DYRK1A: variants seen among roughly 807,000 people sequenced by gnomAD.
The protein encoded by DYRK1A is dual specificity tyrosine phosphorylation regulated kinase 1A, also known as dual specificity tyrosine-phosphorylation-regulated kinase 1A.
A neutral mutation model predicts 79.7 loss-of-function variants in DYRK1A; 9 were observed. The observed-to-expected ratio is 0.11, with a 90% CI of 0.07 to 0.20. The LOEUF (loss-of-function observed/expected upper bound fraction) is 0.20. DYRK1A is among the 10% of genes least tolerant of loss of function. DYRK1A has a pLI of 1.00. For synonymous variants in DYRK1A, 349 were observed against 329.7 expected (o/e 1.06, Z -0.63); for missense variants, 622 against 956.0 (o/e 0.65, Z 4.61).
intron 1 of DYRK1A, among the ~76,000 whole-genome samples, chr21:37,414,191 G>A (rs1432699933): frequency 6.6e-6 from 1 of 152,118 alleles, no homozygotes; most frequent in Non-Finnish European, 1.5e-5. Context: ...GGCTGATGGT[G>A]ACACCCGTTA....
chr21:37,392,509 T>G (rs547707846), intron 1 of DYRK1A, among the ~76,000 whole-genome samples: 1 of 152,340 alleles, frequency 6.6e-6, no homozygotes, highest in East Asian at 1.9e-4. Flanking sequence ...GGCTGAGAAG[T>G]CCATATCAAG....
intron 2 of DYRK1A, among the ~76,000 whole-genome samples, chr21:37,458,906 A>T (rs1323841850): frequency 2.0e-5 from 3 of 152,160 alleles, no homozygotes; most frequent in African/African-American, 7.2e-5. Flanking sequence ...CCTGGGAGGA[A>T]GGAAGAGAAG....
chr21:37,426,754 CAAAAA>C (rs34975084), intron 2 of DYRK1A, among the ~76,000 whole-genome samples: 1 of 126,968 alleles, frequency 7.9e-6, no homozygotes, highest in Non-Finnish European at 1.7e-5. Flanking sequence ...ACTAAAAATA[CAAAAA>C]AAAAAAAAAA....
chr21:37,512,869 T>C lies in DYRK1A; in HGVS notation c.*338T>C, dbSNP rs1336167456. The C allele has an allele frequency of 4.3e-6, 1 of 233,720 alleles. No homozygotes were observed. The highest frequency in any genetic ancestry group is 8.4e-6 in the Non-Finnish European group (1 of 118,898). 14.5% of individuals were successfully genotyped at this position (233,720 alleles called of 1,614,324 possible). ...ATGTTGGTCTTGGTCATTTGCCAAC[T>C]AATTTTAAAGTAAAAGGCACTGCAC... On this transcript the variant is annotated 3_prime_UTR_variant, in exon 12 of 12. Coordinates refer to ENST00000647188, the MANE Select transcript of DYRK1A (RefSeq NM_001347721.2).
At chr21:37,438,516 A>G (rs904946438) in intron 2 of DYRK1A, among the ~76,000 whole-genome samples, 2 of 152,152 alleles carry the variant, frequency 1.3e-5, no homozygotes, top group African/African-American at 4.8e-5. Flanking sequence ...TGCAAAGTAT[A>G]GATCAAAGAT....
At chr21:37,496,441 C>T (rs2053272521) in intron 9 of DYRK1A, among the ~76,000 whole-genome samples, 183 bp downstream of exon 9, 1 of 152,106 alleles carries the variant, frequency 6.6e-6, no homozygotes, top group South Asian at 2.1e-4. Flanking sequence ...AGGTATGGAC[C>T]AGTGTTTGAT....
intron 2 of DYRK1A, among the ~76,000 whole-genome samples, chr21:37,430,963 C>T (rs2050760167): frequency 6.6e-6 from 1 of 152,178 alleles, no homozygotes; most frequent in African/African-American, 2.4e-5. Context: ...AGAATGGCAT[C>T]TGCCACTTCT....
intron 2 of DYRK1A, among the ~76,000 whole-genome samples, chr21:37,457,066 T>G (rs2051675213): frequency 6.6e-6 from 1 of 150,654 alleles, no homozygotes; most frequent in Non-Finnish European, 1.5e-5. Context: ...ATTTATTTAT[T>G]TATTTATTTA....
intron 4 of DYRK1A, among the ~76,000 whole-genome samples, chr21:37,478,932 A>T (rs1181458504): frequency 6.6e-6 from 1 of 152,052 alleles, no homozygotes; most frequent in Non-Finnish European, 1.5e-5. Context: ...GCCACCGAAA[A>T]TTTTTCTGGT....
At chr21:37,449,762 A>G (rs2051386146) in intron 2 of DYRK1A, among the ~76,000 whole-genome samples, 1 of 151,948 alleles carries the variant, frequency 6.6e-6, no homozygotes, top group Non-Finnish European at 1.5e-5. Context: ...ATTACTCTCC[A>G]CTTTTCCCCA....
At chr21:37,408,402 C>CA (rs1330741056) in intron 1 of DYRK1A, among the ~76,000 whole-genome samples, 1 of 152,210 alleles carries the variant, frequency 6.6e-6, no homozygotes, top group Non-Finnish European at 1.5e-5. Flanking sequence ...CTCTTGGCTT[C>CA]AGCAGTACTC....
rs912413909 is a variant in DYRK1A at position 37,515,988 on chromosome 21, A to G, written c.*3457A>G. On this transcript the variant is annotated 3_prime_UTR_variant, in exon 12 of 12. Coordinates refer to ENST00000647188, the MANE Select transcript of DYRK1A (RefSeq NM_001347721.2). ...TTTTCTGTTCTTCCAATAGGGAGATACATAATCAAAATACACACGAAGACG... is the reference window on the plus strand; with the variant it reads ...TTTTCTGTTCTTCCAATAGGGAGATGCATAATCAAAATACACACGAAGACG... 2.6e-5 allele frequency: 4 copies of G among 152,206 alleles called. No individual in the cohort carries two copies. Among genetic ancestry groups the G allele is most frequent in the African/African-American group, 9.7e-5 (4 of 41,442 alleles). The allele number at this position is 152,206 out of a possible 1,614,324, so 9.4% of individuals were successfully genotyped here.
At chr21:37,501,665 A>G (rs937289627) in intron 9 of DYRK1A, 1 of 152,220 alleles carries the variant, frequency 6.6e-6, no homozygotes, top group South Asian at 2.1e-4. Flanking sequence ...TTTATGGCCT[A>G]GCATCTAATG....
chr21:37,502,676 CTTATAT>C (rs972245417), intron 9 of DYRK1A: 7 of 151,908 alleles, frequency 4.6e-5, no homozygotes, highest in Non-Finnish European at 1.0e-4. Context: ...TATATTTATC[CTTATAT>C]TTGCTCTTTT....
At chr21:37,421,576 A>T (rs1361879675) in intron 2 of DYRK1A, among the ~76,000 whole-genome samples, 1 of 152,134 alleles carries the variant, frequency 6.6e-6, no homozygotes, top group Non-Finnish European at 1.5e-5. Flanking sequence ...TTGCACATGT[A>T]TGTTTGCCTG....
intron 2 of DYRK1A, among the ~76,000 whole-genome samples, chr21:37,455,336 T>C (rs2051600697): frequency 1.3e-5 from 2 of 152,210 alleles, no homozygotes; most frequent in Admixed American, 6.5e-5. Flanking sequence ...TACCCTTTTT[T>C]CTTACTATTT....
intron 1 of DYRK1A, among the ~76,000 whole-genome samples, chr21:37,387,609 G>A (rs563670728): frequency 6.6e-6 from 1 of 152,258 alleles, no homozygotes; most frequent in South Asian, 2.1e-4. Flanking sequence ...GACCTAATAG[G>A]ATCCCTTTTG....
In DYRK1A at chr21:37,495,238, CG is replaced by C. The variant is rs780560419; in HGVS notation, c.1072-879del. Among the ~76,000 whole-genome samples the C allele has an allele frequency of 2.6e-4, 39 of 148,076 alleles. No individual in the cohort carries two copies. The South Asian group carries it at 6.5e-3, about 25-fold the overall frequency. ...ATGCTCTGAAAACTGGGTTGGGTGC[CG>C]TACCTCACGCCTGTAATCCCAGCAC... On this transcript the variant is annotated intron_variant, in intron 8 of 11. Transcript: ENST00000647188.
intron 8 of DYRK1A, among the ~76,000 whole-genome samples, chr21:37,493,470 G>A (rs1302558933): frequency 1.3e-5 from 2 of 152,126 alleles, no homozygotes; most frequent in Non-Finnish European, 2.9e-5. Flanking sequence ...AAGAATGAAG[G>A]CCATCCTGAA....
Sources: allele counts gnomAD v4.1 joint callset (sites outside exome capture counted in the v4.1 genomes callset), GRCh38; gene constraint gnomAD v4.1.1; transcripts MANE v1.5; gene names NCBI Gene and HGNC (gene_info 2026-07-23, HGNC 2026-07-21).